NALF1: variants seen among roughly 807,000 people sequenced by gnomAD.
NALF1 encodes the protein family with sequence similarity 155 member A.
A neutral mutation model predicts 48.4 loss-of-function variants in NALF1; 3 were observed. The ratio of observed to expected loss-of-function variants is 0.06; its 90% CI spans 0.03 to 0.16. The LOEUF (loss-of-function observed/expected upper bound fraction) is 0.16. NALF1 is among the 10% of genes least tolerant of loss of function. The pLI is 1.00. For missense variants in NALF1, 526 were observed against 571.5 expected, an observed-to-expected ratio of 0.92 and a Z score of 0.81; for synonymous variants, 262 against 245.7, an observed-to-expected ratio of 1.07 and a Z score of -0.62.
At chr13:107,175,338 C>T (rs1183737846) in intron 2 of NALF1, among the ~76,000 whole-genome samples, 1 of 152,124 alleles carries the variant, frequency 6.6e-6, no homozygotes, top group African/African-American at 2.4e-5. Flanking sequence ...TTTGCTCTTT[C>T]TTCCATTGCA....
chr13:107,335,204 G>C (rs1882534167), intron 1 of NALF1, among the ~76,000 whole-genome samples: 1 of 152,038 alleles, frequency 6.6e-6, no homozygotes, highest in Non-Finnish European at 1.5e-5. Context: ...GAAGGAACTA[G>C]GCACCAATTT....
At chr13:107,446,276 C>T (rs761674986) in intron 1 of NALF1, among the ~76,000 whole-genome samples, 1 of 152,078 alleles carries the variant, frequency 6.6e-6, no homozygotes, top group East Asian at 1.9e-4. Flanking sequence ...TCCGATAATT[C>T]TTTTTTCTAA....
intron 2 of NALF1, among the ~76,000 whole-genome samples, chr13:107,201,842 A>T (rs1021594903): frequency 2.6e-5 from 4 of 152,138 alleles, no homozygotes; most frequent in African/African-American, 9.7e-5. Flanking sequence ...AGGTAATGAC[A>T]TATTCCGTAA....
intron 1 of NALF1, among the ~76,000 whole-genome samples, chr13:107,855,838 G>A (rs1880428806): frequency 6.6e-6 from 1 of 152,124 alleles, no homozygotes; most frequent in South Asian, 2.1e-4. Flanking sequence ...TGTGGGGAAT[G>A]AATAATATAT....
chr13:107,603,881 T>C (rs548654894), intron 1 of NALF1, among the ~76,000 whole-genome samples: 112 of 152,318 alleles, frequency 7.4e-4, no homozygotes, highest in African/African-American at 2.5e-3. Context: ...CATGAGGAGA[T>C]TGTTCCACTT....
At chr13:107,485,574 C>T (rs564980632) in intron 1 of NALF1, among the ~76,000 whole-genome samples, 5 of 152,294 alleles carry the variant, frequency 3.3e-5, no homozygotes, top group African/African-American at 1.2e-4. Context: ...AGGTTGGGAA[C>T]TGAACTGCTT....
intron 1 of NALF1, among the ~76,000 whole-genome samples, chr13:107,538,146 G>A (rs1410266747): frequency 6.6e-6 from 1 of 152,090 alleles, no homozygotes; most frequent in African/African-American, 2.4e-5. Flanking sequence ...TATGATTGAA[G>A]ACCACAATTG....
At chr13:107,607,381 AAAG>A (rs1169292610) in intron 1 of NALF1, among the ~76,000 whole-genome samples, 9 of 152,200 alleles carry the variant, frequency 5.9e-5, no homozygotes, top group African/African-American at 2.2e-4. Context: ...TAATGCAGAG[AAAG>A]AAGGAAGAAA....
chr13:107,681,614 G>C (rs1159516577), intron 1 of NALF1, among the ~76,000 whole-genome samples: 1 of 152,190 alleles, frequency 6.6e-6, no homozygotes, highest in Admixed American at 6.5e-5. Context: ...GACTTAGTCA[G>C]ATGAAATGAC....
chr13:107,748,868 T>C (rs1250619530), intron 1 of NALF1, among the ~76,000 whole-genome samples: 1 of 152,042 alleles, frequency 6.6e-6, no homozygotes, highest in African/African-American at 2.4e-5. Context: ...TGGAGGAAGC[T>C]AAAGCTGGAA....
At chr13:107,831,700 A>T (rs1243797368) in intron 1 of NALF1, among the ~76,000 whole-genome samples, 1 of 152,196 alleles carries the variant, frequency 6.6e-6, no homozygotes, top group Admixed American at 6.5e-5. Context: ...TTCAGGGAAG[A>T]CATTTAAGCT....
rs534735774 is a variant in NALF1 at position 107,256,565 on chromosome 13, T to C, written c.916-45810A>G. Among the ~76,000 whole-genome samples the C allele has an allele frequency of 2.7e-4, 41 of 152,334 alleles. No homozygotes were observed. In the South Asian group the frequency reaches 7.9e-3, roughly 29 times the overall value. On this transcript the variant is annotated intron_variant, in intron 1 of 2. Transcript: ENST00000375915. ...AGTATTCAAAAACCATCACCTAATT[T>C]GGGAAAGAATTTGCTGATATCATTG...
At chr13:107,524,485 C>G (rs117712453) in intron 1 of NALF1, among the ~76,000 whole-genome samples, 1,875 of 151,968 alleles carry the variant, frequency 0.012, 23 homozygotes, top group Middle Eastern at 0.037. Context: ...TGGTACGAAA[C>G]GGATCCACAG....
intron 1 of NALF1, among the ~76,000 whole-genome samples, chr13:107,575,680 T>A (rs112664275): frequency 0.029 from 4,436 of 152,176 alleles, 89 homozygotes; most frequent in African/African-American, 0.064. Flanking sequence ...TCCATTTTGT[T>A]AAAGATGGAC....
chr13:107,385,424 G>A (rs764865328), intron 1 of NALF1, among the ~76,000 whole-genome samples: 38 of 151,990 alleles, frequency 2.5e-4, no homozygotes, highest in Non-Finnish European at 4.1e-4. Context: ...ATAGTGGCGC[G>A]TGCCTGTAAT....
At chr13:107,849,721 T>G (rs892937032) in intron 1 of NALF1, among the ~76,000 whole-genome samples, 5 of 152,108 alleles carry the variant, frequency 3.3e-5, no homozygotes, top group African/African-American at 1.2e-4. Context: ...ATTGGAGGAG[T>G]GTCAAAGAAC....
intron 1 of NALF1, among the ~76,000 whole-genome samples, chr13:107,301,766 C>A (rs1483838409): frequency 6.6e-6 from 1 of 152,086 alleles, no homozygotes; most frequent in Non-Finnish European, 1.5e-5. Context: ...ATTATTCTCA[C>A]ATATTTTGGA....
At chr13:107,800,478 T>C (rs1306260470) in intron 1 of NALF1, among the ~76,000 whole-genome samples, 1 of 151,198 alleles carries the variant, frequency 6.6e-6, no homozygotes, top group Non-Finnish European at 1.5e-5. Context: ...AAACAACAAA[T>C]TTAATAAACT....
At chr13:107,865,496 A>G (rs1268685023) in intron 1 of NALF1, among the ~76,000 whole-genome samples, 186 bp downstream of exon 1, 1 of 152,190 alleles carries the variant, frequency 6.6e-6, no homozygotes, top group Non-Finnish European at 1.5e-5. Flanking sequence ...AGAAGGCATC[A>G]GTCAGTCCAC....
Sources: gnomAD v4.1 joint callset for allele counts (sites outside exome capture counted in the v4.1 genomes callset) on GRCh38, gnomAD v4.1.1 for gene constraint, MANE v1.5 for transcripts, NCBI Gene and HGNC (gene_info 2026-07-23, HGNC 2026-07-21) for gene names.